SOX5: variants seen among roughly 807,000 people sequenced by gnomAD.
SOX5 encodes the protein SRY-box transcription factor 5, also known as transcription factor SOX-5.
SOX5 carries 9 observed loss-of-function variants against 92.0 expected under a neutral mutation model. The ratio of observed to expected loss-of-function variants is 0.10; its 90% confidence interval spans 0.06 to 0.17. The LOEUF (loss-of-function observed/expected upper bound fraction) is 0.17. SOX5 is among the 10% of genes least tolerant of loss of function. The pLI is 1.00. For missense variants in SOX5, 642 were observed against 944.5 expected, an observed-to-expected ratio of 0.68 and a Z score of 4.20; for synonymous variants, 344 against 336.3, an observed-to-expected ratio of 1.02 and a Z score of -0.25.
chr12:23,568,179 G>T (rs2136462858), intron 10 of SOX5, among the ~76,000 whole-genome samples: 2 of 152,190 alleles, frequency 1.3e-5, no homozygotes, highest in East Asian at 3.9e-4. Flanking sequence ...TAGAAATAGG[G>T]GAGAAAGCCA....
rs181835072 is a variant in SOX5 at position 24,345,632 on chromosome 12, G to A, written c.-174+22931C>T. ...GAATATGAATATTGATACTCCCAACGGAAAAGTATAAAATTAATATTGATA... is the reference window on the plus strand; with the variant it reads ...GAATATGAATATTGATACTCCCAACAGAAAAGTATAAAATTAATATTGATA... On this transcript the variant is annotated intron_variant, in intron 2 of 4. Transcript: ENST00000446891. Among the ~76,000 whole-genome samples, 199 of 152,068 alleles carry A rather than the reference G, an allele frequency of 1.3e-3. 1 individual carries two copies. In the South Asian group the frequency reaches 0.015, roughly 12 times the overall value.
At chr12:23,646,236 G>A (rs561971507) in intron 7 of SOX5, among the ~76,000 whole-genome samples, 6 of 152,106 alleles carry the variant, frequency 3.9e-5, no homozygotes, top group East Asian at 1.9e-4. Context: ...GTGCAGTGGC[G>A]CAAACATTAC....
At chr12:23,924,724 A>G (rs1232096850) in intron 1 of SOX5, among the ~76,000 whole-genome samples, 3 of 152,106 alleles carry the variant, frequency 2.0e-5, no homozygotes, top group Non-Finnish European at 4.4e-5. Flanking sequence ...TATAGCAGGA[A>G]GTTGCTTCGC....
At chr12:23,949,786 CTCTCTCTT>C (rs1945279325), upstream of SOX5, 2 of 538,554 alleles carry the variant, frequency 3.7e-6, no homozygotes, top group African/African-American at 6.2e-5. Context: ...CTCTCTCTCT[CTCTCTCTT>C]TCTCCCCCCC....
intron 8 of SOX5, among the ~76,000 whole-genome samples, chr12:23,633,767 T>G (rs1268026559): frequency 6.6e-6 from 1 of 152,152 alleles, no homozygotes; most frequent in Non-Finnish European, 1.5e-5. Flanking sequence ...ATGAGTCAAA[T>G]AAAAGTACCT....
At chr12:24,435,678 A>C (rs1307267530) in intron 1 of SOX5, among the ~76,000 whole-genome samples, 1 of 152,254 alleles carries the variant, frequency 6.6e-6, no homozygotes, top group East Asian at 1.9e-4. Context: ...GTGAATGAGA[A>C]GATCACAATG....
chr12:24,161,811 G>A (rs1307798383), intron 4 of SOX5, among the ~76,000 whole-genome samples: 1 of 152,038 alleles, frequency 6.6e-6, no homozygotes, highest in African/African-American at 2.4e-5. Context: ...TCTTCAGAAT[G>A]TCCACTGGAG....
chr12:24,250,439 A>G (rs1939795264), intron 3 of SOX5, among the ~76,000 whole-genome samples: 1 of 152,222 alleles, frequency 6.6e-6, no homozygotes, highest in Non-Finnish European at 1.5e-5. Context: ...TAAACAAGTC[A>G]AAAGGTTGGT....
chr12:24,214,727 A>T (rs183335338), intron 3 of SOX5, among the ~76,000 whole-genome samples: 12 of 152,218 alleles, frequency 7.9e-5, no homozygotes, highest in African/African-American at 2.6e-4. Flanking sequence ...AGGAAAACAG[A>T]ATTCCACTTC....
chr12:24,458,579 T>C (rs1356952259), intron 1 of SOX5, among the ~76,000 whole-genome samples: 1 of 152,146 alleles, frequency 6.6e-6, no homozygotes, highest in African/African-American at 2.4e-5. Flanking sequence ...ATGTTTTTAA[T>C]TTTCCCAAGT....
intron 2 of SOX5, among the ~76,000 whole-genome samples, chr12:23,874,735 A>G (rs2096909117): frequency 6.6e-6 from 1 of 152,182 alleles, no homozygotes; most frequent in Non-Finnish European, 1.5e-5. Flanking sequence ...ATATACTCTC[A>G]TGGAGGGATA....
intron 1 of SOX5, among the ~76,000 whole-genome samples, chr12:24,390,517 T>G (rs184274601): frequency 6.6e-6 from 1 of 152,174 alleles, no homozygotes; most frequent in Non-Finnish European, 1.5e-5. Flanking sequence ...GGGATTTTAG[T>G]GTACCCATTG....
intron 3 of SOX5, among the ~76,000 whole-genome samples, chr12:23,799,185 G>C (rs1460346723): frequency 6.6e-6 from 1 of 151,960 alleles, no homozygotes; most frequent in Non-Finnish European, 1.5e-5. Flanking sequence ...AAGGTTTAAA[G>C]AACAAAGGTT....
At chr12:24,505,854 C>CGTGT (rs952252318) in intron 1 of SOX5, among the ~76,000 whole-genome samples, 1 of 91,186 alleles carries the variant, frequency 1.1e-5, no homozygotes, top group Non-Finnish European at 2.4e-5. Flanking sequence ...TGTGTGTGTG[C>CGTGT]GTGTGTGTGT....
intron 1 of SOX5, among the ~76,000 whole-genome samples, chr12:23,943,721 C>T (rs1174286147): frequency 6.6e-6 from 1 of 152,060 alleles, no homozygotes; most frequent in Non-Finnish European, 1.5e-5. Context: ...GTTTCAAATA[C>T]AATGAGCCGA....
intron 1 of SOX5, among the ~76,000 whole-genome samples, chr12:24,416,443 T>C (rs1235569727): frequency 6.6e-6 from 1 of 152,282 alleles, no homozygotes; most frequent in African/African-American, 2.4e-5. Context: ...CAAACTAACA[T>C]CTGAAATGTC....
intron 3 of SOX5, among the ~76,000 whole-genome samples, chr12:23,770,264 T>C (rs770960017): frequency 4.6e-5 from 7 of 152,010 alleles, no homozygotes; most frequent in Non-Finnish European, 1.0e-4. Context: ...TAGTCAAAGA[T>C]ATTTAGGCTC....
chr12:24,515,939 A>G (rs922979707), intron 1 of SOX5, among the ~76,000 whole-genome samples: 2 of 152,100 alleles, frequency 1.3e-5, no homozygotes, highest in African/African-American at 4.8e-5. Context: ...ATCCTTGCGT[A>G]GGCTTCCATT....
chr12:24,413,800 C>T (rs1030700771), intron 1 of SOX5, among the ~76,000 whole-genome samples: 11 of 152,144 alleles, frequency 7.2e-5, no homozygotes, highest in Admixed American at 2.6e-4. Flanking sequence ...TGTTTTTCAT[C>T]GTGCGTCAGT....
Sources: gnomAD v4.1 joint callset for allele counts (sites outside exome capture counted in the v4.1 genomes callset) on GRCh38, gnomAD v4.1.1 for gene constraint, MANE v1.5 for transcripts, NCBI Gene and HGNC (gene_info 2026-07-23, HGNC 2026-07-21) for gene names.